TSPAN4: variants seen among roughly 807,000 people sequenced by gnomAD.
TSPAN4 encodes tetraspanin 4.
A neutral mutation model predicts 31.5 loss-of-function variants in TSPAN4; 38 were observed. The ratio of observed to expected loss-of-function variants is 1.21; its 90% CI spans 0.93 to 1.58. The LOEUF (loss-of-function observed/expected upper bound fraction) is 1.58. Ranked by LOEUF, TSPAN4 falls within the 40% of genes most tolerant of loss-of-function variation. The pLI, the probability that TSPAN4 is intolerant of heterozygous loss-of-function variation, is 0.00. For synonymous variants in TSPAN4, 186 were observed against 144.6 expected (o/e 1.29, Z -2.06); for missense variants, 330 against 317.3 (o/e 1.04, Z -0.30).
At chr11:859,086 C>G (rs1223046076) in intron 3 of TSPAN4, among the ~76,000 whole-genome samples, 2 of 136,578 alleles carry the variant, frequency 1.5e-5, no homozygotes, top group African/African-American at 2.8e-5. Context: ...ACATGCACCC[C>G]GGCTCACACG....
chr11:856,004 G>A (rs895724567), intron 3 of TSPAN4, among the ~76,000 whole-genome samples: 6 of 152,228 alleles, frequency 3.9e-5, no homozygotes, highest in African/African-American at 1.4e-4. Context: ...GAGCATACTC[G>A]ATGGACTCCA....
intron 2 of TSPAN4, chr11:850,073 C>G (rs886562166): frequency 1.8e-5 from 7 of 394,754 alleles, no homozygotes; most frequent in East Asian, 1.8e-4. Flanking sequence ...GGCGCAGCCC[C>G]TCTCCGGAGG....
intron 1 of TSPAN4, among the ~76,000 whole-genome samples, chr11:844,750 T>C (rs1296916920): frequency 6.8e-6 from 1 of 147,784 alleles, no homozygotes; most frequent in East Asian, 2.0e-4. Context: ...GAGGCGCTGG[T>C]TTTATAGAAG....
At chr11:863,028 C>T (rs1048238724) in intron 4 of TSPAN4, 9 of 379,340 alleles carry the variant, frequency 2.4e-5, no homozygotes, top group East Asian at 9.4e-5. Context: ...TGAGTGCAGG[C>T]ACAGCCCCGC....
intron 5 of TSPAN4, 29 bp from the exon 6 acceptor site, chr11:865,484 G>A (rs764780438): frequency 1.3e-6 from 2 of 1,576,080 alleles, no homozygotes; most frequent in Non-Finnish European, 8.7e-7. Flanking sequence ...CAGTGGGAGG[G>A]GCCCTGCTGA....
In TSPAN4 at chr11:842,896, A is replaced by AGCGGGGCG. The variant is rs1847047226; in HGVS notation, c.-132_-131insGCGGCGGG. The AGCGGGGCG allele has an allele frequency of 6.1e-6, 1 of 163,660 alleles. No individual in the cohort carries two copies. Among genetic ancestry groups the AGCGGGGCG allele is most frequent in the African/African-American group, 2.4e-5 (1 of 41,576 alleles). The allele number at this position is 163,660 out of a possible 1,614,324, so 10.1% of individuals were successfully genotyped here. On this transcript the variant is annotated 5_prime_UTR_variant, in exon 1 of 9. Transcript: ENST00000397397. ...CTGCGCGGCGGGAGCGGGCGGCGCG[A>AGCGGGGCG]GCGGGAGGCGGCGGCGCAGGTACTG... is the stretch of plus-strand genomic sequence containing the variant.
intron 3 of TSPAN4, among the ~76,000 whole-genome samples, chr11:859,038 AC>A (rs1245190020): frequency 5.5e-5 from 4 of 73,244 alleles, no homozygotes; most frequent in Non-Finnish European, 7.7e-5. Context: ...GCTCTCACGC[AC>A]CCCCGGGCTC....
In TSPAN4 at chr11:867,042, G is replaced by C. The variant is rs1181213826; in HGVS notation, c.*412G>C. ...TCCTGGTGCTCCAGGCGGGGCCGTG[G>C]ACCCCTCACCTACATTCCATAGTGG... On this transcript the variant is annotated 3_prime_UTR_variant, in exon 9 of 9. Coordinates refer to ENST00000397397, the MANE Select transcript of TSPAN4 (RefSeq NM_003271.5). The C allele has an allele frequency of 2.3e-5, 4 of 174,718 alleles. No homozygotes were observed. The highest frequency in any genetic ancestry group is 4.9e-5 in the Non-Finnish European group (4 of 82,218). 10.8% of individuals were successfully genotyped at this position (174,718 alleles called of 1,614,324 possible).
rs1848659653 is a variant in TSPAN4 at position 864,579 on chromosome 11, T to C, written c.330+68T>C. 4 of 1,586,126 alleles carry C rather than the reference T, an allele frequency of 2.5e-6. No individual in the cohort carries two copies. The African/African-American group carries it at 5.4e-5, about 21-fold the overall frequency. ...CTCCATCCTCACTCCCAGGGAGCACTGTGGGCCCGGTGTGGACAGAGTGGC... is the reference window on the plus strand; with the variant it reads ...CTCCATCCTCACTCCCAGGGAGCACCGTGGGCCCGGTGTGGACAGAGTGGC... On this transcript the variant is annotated intron_variant, in intron 5 of 8. Transcript: ENST00000397397.
chr11:843,461 T>G (rs11246328), intron 1 of TSPAN4: 1 of 151,830 alleles, frequency 6.6e-6, no homozygotes, highest in Non-Finnish European at 1.5e-5. Context: ...AAGAGGTGCT[T>G]TTTGAGCTGA....
rs1848863784 is a variant in TSPAN4 at position 866,586 on chromosome 11, AC to A, written c.675del (p.Met226CysfsTer?). The stretch of plus-strand genomic sequence containing the variant: ...GATCCTGGGCCTGACCTTCGCCATG[AC>A]CATGTACTGCCAAGTGGTCAAGGCA... The part of the protein sequence containing the change: ...VQILGLTFAM[T>X]MYCQVVKADT... On this transcript the variant is annotated frameshift_variant, in exon 9 of 9. Transcript: ENST00000397397. LOFTEE classifies it high-confidence loss of function. 1.2e-6 allele frequency: 2 copies of A among 1,613,374 alleles called. No individual in the cohort carries two copies. Among genetic ancestry groups the A allele is most frequent in the African/African-American group, 2.7e-5 (2 of 74,914 alleles).
At chr11:863,758 G>C (rs1848607566) in intron 4 of TSPAN4, 2 of 153,676 alleles carry the variant, frequency 1.3e-5, no homozygotes, top group Middle Eastern at 3.4e-3. Context: ...ACTCTGCCTG[G>C]GCCCCCCAGC....
At chr11:865,889 C>G in intron 7 of TSPAN4, 29 bp from the exon 8 acceptor site, 1 of 1,612,898 alleles carries the variant, frequency 6.2e-7, no homozygotes, top group Non-Finnish European at 8.5e-7. Flanking sequence ...CAGGCCCTGC[C>G]GTGACACGCA....
intron 4 of TSPAN4, 77 bp from the exon 5 acceptor site, chr11:864,360 G>T: frequency 6.4e-7 from 1 of 1,569,042 alleles, no homozygotes; most frequent in East Asian, 2.2e-5. Context: ...GAGGTACGTG[G>T]CCCTGGCCCC....
intron 1 of TSPAN4, among the ~76,000 whole-genome samples, chr11:846,472 CCT>C (rs1234511143): frequency 6.6e-6 from 1 of 152,202 alleles, no homozygotes; most frequent in Non-Finnish European, 1.5e-5. Context: ...AGGACAGTTA[CCT>C]CACTCCAGAG....
At chr11:854,933 C>G (rs867199298) in intron 3 of TSPAN4, among the ~76,000 whole-genome samples, 1 of 152,342 alleles carries the variant, frequency 6.6e-6, no homozygotes, top group East Asian at 1.9e-4. Flanking sequence ...ATCAATTGTT[C>G]GGAAACAATC....
intron 5 of TSPAN4, chr11:865,289 G>A: frequency 3.5e-6 from 2 of 575,414 alleles, no homozygotes; most frequent in Non-Finnish European, 6.2e-6. Context: ...CAGGACCCAT[G>A]GTCCTCCCCC....
At chr11:850,761 T>C (rs1280109746) in intron 3 of TSPAN4, among the ~76,000 whole-genome samples, 1 of 152,196 alleles carries the variant, frequency 6.6e-6, no homozygotes, top group Non-Finnish European at 1.5e-5. Flanking sequence ...CGGTGCCTCC[T>C]CTGCGCCCGC....
chr11:845,858 TC>T (rs1847292409), intron 1 of TSPAN4, among the ~76,000 whole-genome samples: 1 of 151,960 alleles, frequency 6.6e-6, no homozygotes, highest in Non-Finnish European at 1.5e-5. Flanking sequence ...GTCTCCAGCC[TC>T]CAGGGCTCAG....
Sources: allele counts gnomAD v4.1 joint callset (sites outside exome capture counted in the v4.1 genomes callset), GRCh38; gene constraint gnomAD v4.1.1; transcripts MANE v1.5; gene names NCBI Gene and HGNC (gene_info 2026-07-23, HGNC 2026-07-21).